The following ODAD3 variants were observed in gnomAD, a reference collection of about 807,000 sequenced individuals.
ODAD3 encodes the protein outer dynein arm docking complex subunit 3.
ODAD3 carries 57 observed loss-of-function variants against 70.9 expected under a neutral mutation model. The observed-to-expected ratio is 0.80, with a 90% CI of 0.65 to 1.00. The LOEUF (loss-of-function observed/expected upper bound fraction) is 1.00. Ranked by LOEUF, ODAD3 falls within the 50% of genes least tolerant of loss-of-function variation. ODAD3 has a pLI of 0.00. For missense variants in ODAD3, 797 were observed against 763.9 expected (o/e 1.04, Z -0.51); for synonymous variants, 327 against 315.9 (o/e 1.04, Z -0.37).
intron 8 of ODAD3, among the ~76,000 whole-genome samples, chr19:11,423,672 T>C (rs1969193777): frequency 6.6e-6 from 1 of 150,560 alleles, no homozygotes; most frequent in Non-Finnish European, 1.5e-5. Flanking sequence ...CTCCTAGGGG[T>C]TTTGCTGCGA....
chr19:11,429,126 G>A (rs1233877161), intron 3 of ODAD3, among the ~76,000 whole-genome samples: 1 of 151,926 alleles, frequency 6.6e-6, no homozygotes, highest in Non-Finnish European at 1.5e-5. Flanking sequence ...TGATCCGCCC[G>A]CCTCAGCCTC....
At chr19:11,433,580 T>C (rs942884362) in intron 1 of ODAD3, among the ~76,000 whole-genome samples, 4 of 152,198 alleles carry the variant, frequency 2.6e-5, no homozygotes, top group African/African-American at 9.6e-5. Flanking sequence ...CCCCCAAGGT[T>C]GGACAACTAT....
chr19:11,429,792 T>C (rs1213322834), intron 3 of ODAD3, among the ~76,000 whole-genome samples: 3 of 150,332 alleles, frequency 2.0e-5, no homozygotes, highest in Non-Finnish European at 4.4e-5. Context: ...CCCGCCTCGG[T>C]TTCCCAAAGT....
In ODAD3 at chr19:11,426,228, C is replaced by G. The variant is rs1969370365; in HGVS notation, c.879G>C (p.Glu293Asp). ...TTATGTAGCGTTCCCGCTTCTTGCG[C>G]TCTCGAACCAAGGTCTCCTCTAGGT... ...LQYLEETLVR[E>D]RKKRERYISE... The change falls in exon 7 of 13, where the codon GAG (glutamate) becomes GAC (aspartate). Residue 293 changes from glutamate to aspartate, a missense_variant. By Grantham distance (45) the Glu-to-Asp change is conservative. Transcript: ENST00000356392. The G allele has an allele frequency of 6.2e-7, 1 of 1,613,974 alleles. No individual in the cohort carries two copies. Among genetic ancestry groups the G allele is most frequent in the African/African-American group, 1.3e-5 (1 of 75,016 alleles).
At chr19:11,424,474 C>A (rs1233036359) in intron 7 of ODAD3, among the ~76,000 whole-genome samples, 3 of 148,270 alleles carry the variant, frequency 2.0e-5, no homozygotes, top group Non-Finnish European at 4.5e-5. Context: ...GCGACAGAGA[C>A]CGTGTCTCAA....
chr19:11,431,112 AC>A, intron 1 of ODAD3, 92 bp from the exon 2 acceptor site: 1 of 1,458,028 alleles, frequency 6.9e-7, no homozygotes. Context: ...GCAATCATCA[AC>A]TTTTTTTTTT....
chr19:11,421,480 G>T (rs1555721367), intron 11 of ODAD3, among the ~76,000 whole-genome samples, 197 bp downstream of exon 11: 1 of 152,112 alleles, frequency 6.6e-6, no homozygotes, highest in Non-Finnish European at 1.5e-5. Flanking sequence ...CACAGGACCC[G>T]CCTGCACCTC....
At chr19:11,425,098 TATATGTATATATGTGTATATGTAC>T (rs1969269301) in intron 7 of ODAD3, among the ~76,000 whole-genome samples, 1 of 133,064 alleles carries the variant, frequency 7.5e-6, no homozygotes, top group Non-Finnish European at 1.5e-5. Context: ...CATATGTGTA[TATATGTATATATGTGTATATGTAC>T]ATATGTGTAT....
rs1185647331 is a variant in ODAD3, at chr19:11,425,346, TATATGTGTATATGTAC to T, written c.963+782_963+797del. ...ATATGTACATATGTGTATATATGTA[TATATGTGTATATGTAC>T]ATATGTGTATATATGTGTGTATGTA... On this transcript the variant is annotated intron_variant, in intron 7 of 12. Transcript: ENST00000356392. 1.9e-4 allele frequency among the ~76,000 whole-genome samples: 23 copies of T among 118,416 alleles called. 1 individual carries two copies. The highest frequency in any genetic ancestry group is 3.2e-4 in the Non-Finnish European group (20 of 61,648). 77.7% of individuals were successfully genotyped at this position (118,416 alleles called of 152,430 possible). A position where few individuals can be genotyped will look rare whatever the true frequency, so the allele number is the denominator to read the frequency against.
At position 11,422,782 on chromosome 19, in the gene ODAD3, A is replaced by C. The variant is rs1969170836; in HGVS notation, c.1196T>G (p.Leu399Trp). The change falls in exon 9 of 13, where the codon TTG becomes TGG. Residue 399 changes from leucine (L) to tryptophan (W), a missense_variant. By Grantham distance (61) the Leu-to-Trp change is moderately conservative (BLOSUM62 -2). Coordinates refer to ENST00000356392, the MANE Select transcript of ODAD3 (RefSeq NM_145045.5). This position sits in a 1 kb window ranked among gnomAD's most constrained non-coding sequence, Gnocchi z 4.6. ...ETLKSENEQT[L>W]VRLKQEKQQL... ...TTGCTTCTCCTGCTTCAGCCTCACC[A>C]ACGTCTGCTCGTTCTCGCTCTTGAG... 1 of 1,611,266 alleles carries C rather than the reference A, an allele frequency of 6.2e-7. No individual in the cohort carries two copies. The highest frequency in any genetic ancestry group is 8.5e-7 in the Non-Finnish European group (1 of 1,179,868).
intron 1 of ODAD3, 170 bp downstream of exon 1, chr19:11,434,603 A>G (rs1052307941): frequency 1.3e-6 from 1 of 756,354 alleles, no homozygotes; most frequent in Non-Finnish European, 2.2e-6. Flanking sequence ...TCGGTTCTGA[A>G]CCCATGAGAA....
rs368780816 is a variant in ODAD3, at chr19:11,426,907, G to A, written c.578C>T (p.Ala193Val). Residue 193 changes from alanine to valine, a missense_variant, in exon 4 of 13, where the codon GCG (alanine) becomes GTG (valine). By Grantham distance (64) the Ala-to-Val change is moderately conservative. Coordinates refer to ENST00000356392, the MANE Select transcript of ODAD3 (RefSeq NM_145045.5). Reference protein sequence around the residue: ...LQHSLRLLEMAEAQNRHTEVA... With the variant: ...LQHSLRLLEMVEAQNRHTEVA... ...CTCCGTGTGTCTGTTTTGCGCCTCCGCCATCTCCAGAAGGCGCAGGCTGTG... is the reference window on the plus strand; with the variant it reads ...CTCCGTGTGTCTGTTTTGCGCCTCCACCATCTCCAGAAGGCGCAGGCTGTG... The A allele has an allele frequency of 6.2e-7, 1 of 1,609,378 alleles. No individual in the cohort carries two copies. The highest frequency in any genetic ancestry group is 8.5e-7 in the Non-Finnish European group (1 of 1,177,878).
upstream of ODAD3, chr19:11,435,145 C>A (rs1969642770): frequency 6.9e-7 from 1 of 1,446,608 alleles, no homozygotes; most frequent in Non-Finnish European, 9.1e-7. Flanking sequence ...TAGGTGGTTG[C>A]GCTCCGCATC....
At chr19:11,435,452 CGCCGCCATTAAGA>C, upstream of ODAD3, 1 of 359,058 alleles carries the variant, frequency 2.8e-6, no homozygotes, top group Non-Finnish European at 5.3e-6. Flanking sequence ...AGGTACGCTG[CGCCGCCATTAAGA>C]GCTAGCCCTC....
chr19:11,426,295 C>T lies in ODAD3; in HGVS notation c.841-29G>A, dbSNP rs777500908. The T allele has an allele frequency of 3.1e-6, 5 of 1,611,902 alleles. No individual in the cohort carries two copies. In the African/African-American group the frequency reaches 6.7e-5, roughly 22 times the overall value. Reference sequence around the variant, plus strand: ...GAGGGCGGGCAGGGTAGCAGGGAGACCAGCTGGCACCTACCACTGCCCGCC... The same window carrying T: ...GAGGGCGGGCAGGGTAGCAGGGAGATCAGCTGGCACCTACCACTGCCCGCC... On this transcript the variant is annotated intron_variant, in intron 6 of 12. Coordinates refer to ENST00000356392, the MANE Select transcript of ODAD3 (RefSeq NM_145045.5).
upstream of ODAD3, chr19:11,435,588 T>G (rs773733084): frequency 1.8e-5 from 17 of 924,292 alleles, no homozygotes; most frequent in African/African-American, 5.1e-5. Context: ...CCGTTCCCGG[T>G]GCGGAACGTA....
intron 7 of ODAD3, among the ~76,000 whole-genome samples, chr19:11,425,122 C>CAT (rs1209559228): frequency 8.6e-6 from 1 of 116,612 alleles, no homozygotes; most frequent in African/African-American, 4.5e-5. Context: ...TGTATATGTA[C>CAT]ATATGTGTAT....
intron 3 of ODAD3, among the ~76,000 whole-genome samples, chr19:11,428,512 G>A (rs534174618): frequency 8.8e-4 from 134 of 152,222 alleles, no homozygotes; most frequent in African/African-American, 3.1e-3. Flanking sequence ...CAAAGTACTA[G>A]GATTACAGAC....
At position 11,422,357 on chromosome 19, in the gene ODAD3, G is replaced by T; in HGVS notation, c.1434+114C>A. ...GGGGCCTCTGACGTCCGGGACAGAG[G>T]ATGTGGCAGGCCACGTTCCCTCGGG... On this transcript the variant is annotated intron_variant, in intron 10 of 12. Coordinates refer to ENST00000356392, the MANE Select transcript of ODAD3 (RefSeq NM_145045.5). The surrounding 1 kb of genome is among the most constrained non-coding windows in gnomAD (Gnocchi z 4.6). 7.8e-7 allele frequency: 1 copy of T among 1,288,016 alleles called. No individual in the cohort carries two copies. Among genetic ancestry groups the T allele is most frequent in the Non-Finnish European group, 1.0e-6 (1 of 967,430 alleles). 79.8% of individuals were successfully genotyped at this position (1,288,016 alleles called of 1,614,324 possible). A position where few individuals can be genotyped will look rare whatever the true frequency, so the allele number is the denominator to read the frequency against.
Sources: allele counts gnomAD v4.1 joint callset (sites outside exome capture counted in the v4.1 genomes callset), GRCh38; gene constraint gnomAD v4.1.1; non-coding constraint Gnocchi (gnomAD v3.1); transcripts MANE v1.5; gene names NCBI Gene and HGNC (gene_info 2026-07-23, HGNC 2026-07-21).